Variants in TMED8 observed in about 807,000 individuals in gnomAD.
TMED8 encodes the protein protein TMED8.
In TMED8, 15 loss-of-function variants were observed where a neutral mutation model predicts 32.7. The observed-to-expected ratio is 0.46, with a 90% CI of 0.31 to 0.71. The LOEUF (loss-of-function observed/expected upper bound fraction) is 0.71. Ranked by LOEUF, TMED8 falls within the 30% of genes least tolerant of loss-of-function variation. The probability of loss-of-function intolerance (pLI) is 0.06; values close to 1 mark genes in which losing one functional copy is unlikely to be tolerated. For synonymous variants in TMED8, 147 were observed against 161.4 expected (o/e 0.91, Z 0.68); for missense variants, 390 against 423.9 (o/e 0.92, Z 0.70).
chr14:77,339,904 C>T lies in TMED8; in HGVS notation c.*1867G>A, dbSNP rs1439145602. ...ATTGCCCTTTGATGTGATGTAGATG[C>T]TACTAGGGACCCACTGGGAAGAGTC... On this transcript the variant is annotated 3_prime_UTR_variant, in exon 6 of 6. Transcript: ENST00000216468. The T allele has an allele frequency of 3.9e-5, 6 of 152,296 alleles. No individual in the cohort carries two copies. The highest frequency in any genetic ancestry group is 1.4e-4 in the African/African-American group (6 of 41,544). The allele number at this position is 152,296 out of a possible 1,614,324, so 9.4% of individuals were successfully genotyped here. A position where few individuals can be genotyped will look rare whatever the true frequency, so the allele number is the denominator to read the frequency against.
At chr14:77,357,935 C>T (rs1893328632) in intron 1 of TMED8, among the ~76,000 whole-genome samples, 1 of 151,928 alleles carries the variant, frequency 6.6e-6, no homozygotes, top group African/African-American at 2.4e-5. Context: ...ACCAGCCTGG[C>T]CAACATGGTG....
intron 1 of TMED8, among the ~76,000 whole-genome samples, chr14:77,355,518 CAG>C (rs555072095): frequency 5.2e-4 from 79 of 152,224 alleles, no homozygotes; most frequent in African/African-American, 1.8e-3. Flanking sequence ...GAACATTTTT[CAG>C]AGTCAATAAA....
chr14:77,375,496 C>G (rs1169473859), intron 1 of TMED8, among the ~76,000 whole-genome samples: 2 of 152,070 alleles, frequency 1.3e-5, no homozygotes, highest in African/African-American at 4.8e-5. Flanking sequence ...CTTGCTTAGT[C>G]TTTTAGACAT....
chr14:77,346,211 C>T (rs1343105957), intron 3 of TMED8, 138 bp downstream of exon 3: 1 of 845,390 alleles, frequency 1.2e-6, no homozygotes, highest in East Asian at 2.7e-5. Context: ...ATAATGAAGA[C>T]CAAGATGCCC....
intron 1 of TMED8, among the ~76,000 whole-genome samples, chr14:77,375,228 A>T (rs1035065934): frequency 2.0e-5 from 3 of 148,142 alleles, no homozygotes; most frequent in African/African-American, 4.9e-5. Context: ...ACATGACATT[A>T]AAAAAAAAAA....
At chr14:77,357,812 G>C (rs1440526685) in intron 1 of TMED8, among the ~76,000 whole-genome samples, 1 of 152,064 alleles carries the variant, frequency 6.6e-6, no homozygotes, top group Non-Finnish European at 1.5e-5. Context: ...AAGGAGTCCT[G>C]GTTCTTTTTC....
At chr14:77,367,796 C>T (rs1360503320) in intron 1 of TMED8, among the ~76,000 whole-genome samples, 2 of 151,960 alleles carry the variant, frequency 1.3e-5, no homozygotes, top group Non-Finnish European at 1.5e-5. Context: ...TCGCTTCAAG[C>T]GATTCTCCTG....
At chr14:77,370,475 T>C (rs1893651295) in intron 1 of TMED8, among the ~76,000 whole-genome samples, 1 of 152,188 alleles carries the variant, frequency 6.6e-6, no homozygotes, top group African/African-American at 2.4e-5. Context: ...TACAGACCTA[T>C]AGAAAGGCTC....
intron 1 of TMED8, 139 bp from the exon 2 acceptor site, chr14:77,351,890 G>C: frequency 1.9e-6 from 1 of 540,146 alleles, no homozygotes; most frequent in Non-Finnish European, 3.2e-6. Flanking sequence ...ACTCTCAGAG[G>C]CCCAACACAT....
rs1350297149 is a variant in TMED8 at position 77,339,425 on chromosome 14, G to A, written c.*2346C>T. 3 of 152,212 alleles carry A rather than the reference G, an allele frequency of 2.0e-5. No individual in the cohort carries two copies. The highest frequency in any genetic ancestry group is 4.8e-5 in the African/African-American group (2 of 41,442). 9.4% of individuals were successfully genotyped at this position (152,212 alleles called of 1,614,324 possible). ...AAGAAAATAAGCAGAGAATCTCATGGTGAAAATAAATAATAACAAGTGTTA... is the reference window on the plus strand; with the variant it reads ...AAGAAAATAAGCAGAGAATCTCATGATGAAAATAAATAATAACAAGTGTTA... On this transcript the variant is annotated 3_prime_UTR_variant, in exon 6 of 6. Coordinates refer to ENST00000216468, the MANE Select transcript of TMED8 (RefSeq NM_213601.3).
chr14:77,343,708 T>G lies in TMED8; in HGVS notation c.443A>C (p.Asp148Ala), dbSNP rs980801154. The G allele has an allele frequency of 6.2e-7, 1 of 1,613,972 alleles. No individual in the cohort carries two copies. Among genetic ancestry groups the G allele is most frequent in the African/African-American group, 1.3e-5 (1 of 74,880 alleles). The change falls in exon 4 of 6, where the codon GAC (aspartate) becomes GCC (alanine). Residue 148 changes from aspartate (D) to alanine (A), a missense_variant. Coordinates refer to ENST00000216468, the MANE Select transcript of TMED8 (RefSeq NM_213601.3). Reference sequence around the variant, plus strand: ...CCCAAAGGTCTCACCTTTCCTGTGGTCCCCCAGAAGATCTGCAGATTCCAA... The same window carrying G: ...CCCAAAGGTCTCACCTTTCCTGTGGGCCCCCAGAAGATCTGCAGATTCCAA... ...ADLESADLLG[D>A]HRKVSPPLMA...
chr14:77,348,003 T>G (rs1048700833), intron 2 of TMED8, among the ~76,000 whole-genome samples: 3 of 152,204 alleles, frequency 2.0e-5, no homozygotes, highest in African/African-American at 7.2e-5. Flanking sequence ...TTCCAGAGAC[T>G]ATATGACATG....
At chr14:77,371,258 T>G (rs1483591434) in intron 1 of TMED8, among the ~76,000 whole-genome samples, 1 of 152,200 alleles carries the variant, frequency 6.6e-6, no homozygotes, top group Non-Finnish European at 1.5e-5. Flanking sequence ...ACAGAATCTG[T>G]ACCAATTTAC....
Position 77,340,983 on chromosome 14 carries a change from A to G in TMED8, c.*788T>C, listed in dbSNP as rs1007158794. ...TTCAAATATGTGGGTTCTGACATCAATTCAGTACCTAATTTCCACTCTCTC... is the reference window on the plus strand; with the variant it reads ...TTCAAATATGTGGGTTCTGACATCAGTTCAGTACCTAATTTCCACTCTCTC... On this transcript the variant is annotated 3_prime_UTR_variant, in exon 6 of 6. Coordinates refer to ENST00000216468, the MANE Select transcript of TMED8 (RefSeq NM_213601.3). 1.3e-5 allele frequency: 2 copies of G among 151,886 alleles called. No homozygotes were observed. Among genetic ancestry groups the G allele is most frequent in the African/African-American group, 4.8e-5 (2 of 41,340 alleles). 9.4% of individuals were successfully genotyped at this position (151,886 alleles called of 1,614,324 possible).
chr14:77,342,432 A>AAGATCTTTACCT (rs1481014536), intron 5 of TMED8, among the ~76,000 whole-genome samples: 1 of 52,048 alleles, frequency 1.9e-5, no homozygotes, highest in African/African-American at 1.6e-4. Context: ...AAGTGACCCT[A>AAGATCTTTACCT]GGATTCCTGA....
In TMED8 at chr14:77,346,475, T is replaced by TG; in HGVS notation, c.200dup (p.Gln68ThrfsTer8). 6.2e-7 allele frequency: 1 copy of TG among 1,614,172 alleles called. No individual in the cohort carries two copies. The highest frequency in any genetic ancestry group is 8.5e-7 in the Non-Finnish European group (1 of 1,180,034). ...CCTTACTCACTGGAGATACCATCTG[T>TG]GGCCTCTCAGAGGAAGAGAGCATGT... On this transcript the variant is annotated frameshift_variant, in exon 3 of 6. Transcript: ENST00000216468. LOFTEE classifies it high-confidence loss of function.
In TMED8 at chr14:77,337,327, A is replaced by G. The variant is rs989035461; in HGVS notation, c.*4444T>C. 8 of 152,344 alleles carry G rather than the reference A, an allele frequency of 5.3e-5. No individual in the cohort carries two copies. Among genetic ancestry groups the G allele is most frequent in the African/African-American group, 1.9e-4 (8 of 41,580 alleles). The allele number at this position is 152,344 out of a possible 1,614,324, so 9.4% of individuals were successfully genotyped here. On this transcript the variant is annotated 3_prime_UTR_variant, in exon 6 of 6. Transcript: ENST00000216468. ...GTTAGTAAGGAAAACAGCAGAGATC[A>G]TGGCCTGAGGGAAGGGGAAAATACA...
rs193235857 is a variant in TMED8 at position 77,352,517 on chromosome 14, T to G, written c.119-766A>C. The stretch of plus-strand genomic sequence containing the variant: ...ACTTTGGGAGGCCGAGGTGGGCGGA[T>G]CACTTGAGGTCAGGAGTTCGAGACC... On this transcript the variant is annotated intron_variant, in intron 1 of 5. Transcript: ENST00000216468. Among the ~76,000 whole-genome samples, 179 of 152,086 alleles carry G rather than the reference T, an allele frequency of 1.2e-3. 1 individual carries two copies. Among genetic ancestry groups the G allele is most frequent in the African/African-American group, 4.0e-3 (167 of 41,474 alleles).
chr14:77,354,183 CAA>C (rs1893241072), intron 1 of TMED8, among the ~76,000 whole-genome samples: 1 of 152,156 alleles, frequency 6.6e-6, no homozygotes, highest in Non-Finnish European at 1.5e-5. Context: ...ACTACACTGA[CAA>C]TAACCTCTTA....
Sources: allele counts gnomAD v4.1 joint callset (sites outside exome capture counted in the v4.1 genomes callset), GRCh38; gene constraint gnomAD v4.1.1; transcripts MANE v1.5; gene names NCBI Gene and HGNC (gene_info 2026-07-23, HGNC 2026-07-21).